Variants in PKP2 observed in about 807,000 individuals in gnomAD.
PKP2 encodes the protein plakophilin-2.
PKP2 carries 73 observed loss-of-function variants against 83.4 expected under a neutral mutation model. That is an observed-to-expected ratio of 0.88 (90% CI 0.72 to 1.06). The LOEUF (loss-of-function observed/expected upper bound fraction) is 1.06. Ranked by LOEUF, PKP2 falls within the 50% of genes least tolerant of loss-of-function variation. PKP2 has a pLI of 0.00. For synonymous variants in PKP2, 409 were observed against 430.4 expected (o/e 0.95, Z 0.62); for missense variants, 966 against 1,065.4 (o/e 0.91, Z 1.30).
At chr12:32,793,215 T>C (rs1374396403) in intron 11 of PKP2, among the ~76,000 whole-genome samples, 2 of 152,128 alleles carry the variant, frequency 1.3e-5, no homozygotes, top group African/African-American at 4.8e-5. Context: ...CACTCCAGCC[T>C]GGTGACAAAG....
intron 9 of PKP2, among the ~76,000 whole-genome samples, chr12:32,808,079 G>T (rs1956243069): frequency 6.6e-6 from 1 of 152,166 alleles, no homozygotes; most frequent in Non-Finnish European, 1.5e-5. Context: ...TGTCTTGATA[G>T]GTTGGGGTAA....
chr12:32,872,878 G>A (rs532475697), intron 3 of PKP2, among the ~76,000 whole-genome samples: 1 of 152,150 alleles, frequency 6.6e-6, no homozygotes, highest in Admixed American at 6.5e-5. Flanking sequence ...CTTGAACTGG[G>A]CTGTTAAAAA....
chr12:32,883,022 T>C (rs2137966574), intron 1 of PKP2, among the ~76,000 whole-genome samples: 1 of 152,354 alleles, frequency 6.6e-6, no homozygotes, highest in Admixed American at 6.5e-5. Context: ...ACTCTGTAAA[T>C]ATTAATTCTT....
chr12:32,809,213 C>T (rs943361236), intron 9 of PKP2, among the ~76,000 whole-genome samples: 9 of 152,292 alleles, frequency 5.9e-5, no homozygotes, highest in South Asian at 2.1e-4. Context: ...CATATAAGCC[C>T]GGCTGGAGTG....
intron 3 of PKP2, among the ~76,000 whole-genome samples, chr12:32,875,052 C>T (rs1268403561): frequency 6.6e-6 from 1 of 152,156 alleles, no homozygotes; most frequent in African/African-American, 2.4e-5. Flanking sequence ...CTGGCCTCAT[C>T]ATATATTTAT....
chr12:32,864,365 ATATATT>A (rs1956828664), intron 4 of PKP2, among the ~76,000 whole-genome samples: 1 of 149,642 alleles, frequency 6.7e-6, no homozygotes, highest in South Asian at 2.1e-4. Flanking sequence ...TATATTATAT[ATATATT>A]ATCTATTCTA....
At chr12:32,835,548 A>C (rs7138369) in intron 6 of PKP2, among the ~76,000 whole-genome samples, 90,768 of 133,960 alleles carry the variant, frequency 0.68, 28,631 homozygotes, top group Non-Finnish European at 0.75. Flanking sequence ...AGAGGAAAAA[A>C]AGAAAAAGAG....
intron 10 of PKP2, 50 bp from the exon 11 acceptor site, chr12:32,796,348 T>C (rs1270148311): frequency 6.9e-7 from 1 of 1,452,478 alleles, no homozygotes; most frequent in Non-Finnish European, 9.6e-7. Flanking sequence ...GATTGTTTCT[T>C]AATCCCAAGA....
intron 9 of PKP2, among the ~76,000 whole-genome samples, chr12:32,808,274 A>G (rs962146377): frequency 6.6e-6 from 1 of 152,106 alleles, no homozygotes; most frequent in African/African-American, 2.4e-5. Context: ...TCAGAAAGAT[A>G]GTCTTCAAGG....
At chr12:32,870,500 G>T (rs1341298972) in intron 3 of PKP2, among the ~76,000 whole-genome samples, 1 of 150,078 alleles carries the variant, frequency 6.7e-6, no homozygotes, top group African/African-American at 2.4e-5. Context: ...TGTGCCTCAT[G>T]AGTCAATTAT....
intron 4 of PKP2, among the ~76,000 whole-genome samples, chr12:32,866,864 T>A (rs1956854054): frequency 6.6e-6 from 1 of 152,332 alleles, no homozygotes; most frequent in African/African-American, 2.4e-5. Flanking sequence ...AAGACTTGTA[T>A]ACAAATGTTC....
intron 10 of PKP2, among the ~76,000 whole-genome samples, chr12:32,800,743 A>T (rs7302586): frequency 6.6e-6 from 1 of 151,966 alleles, no homozygotes; most frequent in South Asian, 2.1e-4. Flanking sequence ...TCCTTTTAGT[A>T]AGTTAAACTA....
intron 3 of PKP2, among the ~76,000 whole-genome samples, chr12:32,870,662 T>A (rs1262088438): frequency 6.6e-6 from 1 of 152,098 alleles, no homozygotes; most frequent in African/African-American, 2.4e-5. Context: ...TACAGAGAAG[T>A]CAAAACTCTG....
intron 1 of PKP2, among the ~76,000 whole-genome samples, chr12:32,883,487 G>A (rs1021616418): frequency 2.6e-5 from 4 of 152,148 alleles, no homozygotes; most frequent in East Asian, 1.9e-4. Context: ...CGTGATGACC[G>A]TTGAACATAT....
intron 9 of PKP2, among the ~76,000 whole-genome samples, chr12:32,818,298 T>C (rs1027525155): frequency 1.3e-5 from 2 of 152,110 alleles, no homozygotes; most frequent in Non-Finnish European, 2.9e-5. Flanking sequence ...CCGTCTCTAC[T>C]ATAAATACAG....
chr12:32,792,022 T>C lies in PKP2; in HGVS notation c.*402A>G. 3.3e-6 allele frequency: 1 copy of C among 305,436 alleles called. No individual in the cohort carries two copies. Among genetic ancestry groups the C allele is most frequent in the Non-Finnish European group, 6.3e-6 (1 of 159,652 alleles). The allele number at this position is 305,436 out of a possible 1,614,324, so 18.9% of individuals were successfully genotyped here. A position where few individuals can be genotyped will look rare whatever the true frequency, so the allele number is the denominator to read the frequency against. ...CACTGGAGGCCCAATGGCGAAGCAA[T>C]GTGCACATGAGTGACAAAACATGGG... On this transcript the variant is annotated 3_prime_UTR_variant, in exon 13 of 13. Transcript: ENST00000340811.
intron 6 of PKP2, among the ~76,000 whole-genome samples, chr12:32,838,123 C>CA (rs1956559273): frequency 6.6e-6 from 1 of 152,292 alleles, no homozygotes; most frequent in Admixed American, 6.5e-5. Flanking sequence ...GGTATACATA[C>CA]ACCATGGAAT....
At chr12:32,799,977 C>G (rs35826324) in intron 10 of PKP2, among the ~76,000 whole-genome samples, 17,234 of 152,204 alleles carry the variant, frequency 0.11, 1,134 homozygotes, top group South Asian at 0.2. Flanking sequence ...GGAACTTGTC[C>G]TATGGTACAT....
At chr12:32,824,937 A>G (rs1411379412) in intron 6 of PKP2, among the ~76,000 whole-genome samples, 1 of 152,160 alleles carries the variant, frequency 6.6e-6, no homozygotes, top group Non-Finnish European at 1.5e-5. Flanking sequence ...GCAGATTCAG[A>G]TCATGTGTAT....
Sources: gnomAD v4.1 joint callset for allele counts (sites outside exome capture counted in the v4.1 genomes callset) on GRCh38, gnomAD v4.1.1 for gene constraint, MANE v1.5 for transcripts, NCBI Gene and HGNC (gene_info 2026-07-23, HGNC 2026-07-21) for gene names.